Variants in HPSE2 observed in about 807,000 individuals in gnomAD.
The protein encoded by HPSE2 is heparanase 2 (inactive).
Under a neutral mutation model 60.5 loss-of-function variants are expected in HPSE2, and 38 were observed. The ratio of observed to expected loss-of-function variants is 0.63; its 90% CI spans 0.48 to 0.82. The LOEUF (loss-of-function observed/expected upper bound fraction) is 0.82. Among genes scored for constraint, HPSE2 ranks in the 40% least tolerant of loss-of-function variants. The pLI, the probability that HPSE2 is intolerant of heterozygous loss-of-function variation, is 0.00. For missense variants in HPSE2, 713 were observed against 740.4 expected (o/e 0.96, Z 0.43); for synonymous variants, 295 against 293.2 (o/e 1.01, Z -0.06).
intron 9 of HPSE2, among the ~76,000 whole-genome samples, chr10:98,530,059 C>T (rs1212752088): frequency 6.6e-6 from 1 of 152,216 alleles, no homozygotes; most frequent in East Asian, 1.9e-4. Context: ...TTACCAACTG[C>T]CAGGACCTCA....
intron 6 of HPSE2, among the ~76,000 whole-genome samples, chr10:98,664,178 T>C (rs1318368072): frequency 6.6e-6 from 1 of 152,128 alleles, no homozygotes; most frequent in African/African-American, 2.4e-5. Flanking sequence ...AAAACTTGCT[T>C]GGGCTTTCAG....
intron 8 of HPSE2, among the ~76,000 whole-genome samples, chr10:98,615,995 C>T (rs1398301780): frequency 1.3e-5 from 2 of 152,196 alleles, no homozygotes; most frequent in African/African-American, 4.8e-5. Flanking sequence ...CATGAAACTA[C>T]TCTTGGCTAC....
chr10:98,568,908 G>T (rs1944419932), intron 9 of HPSE2, among the ~76,000 whole-genome samples: 1 of 36,792 alleles, frequency 2.7e-5, no homozygotes, highest in African/African-American at 4.7e-5. Context: ...TAACGGGTTT[G>T]GGGTTTTTTT....
rs370086702 is a variant in HPSE2, at chr10:98,571,681, T to G, written c.1320+43223A>C. 8.1e-4 allele frequency among the ~76,000 whole-genome samples: 124 copies of G among 152,310 alleles called. 2 individuals are homozygous for G. In the South Asian group the frequency reaches 0.024, roughly 30 times the overall value. On this transcript the variant is annotated intron_variant, in intron 9 of 11. Transcript: ENST00000370552. ...CAAAATTACAACATTCATGGACTAC[T>G]GATGTATTTCATGAGATTAAGAAAT... is the stretch of plus-strand genomic sequence containing the variant.
the HPSE2 span, among the ~76,000 whole-genome samples, chr10:99,258,140 CA>C: frequency 4.6e-4 from 61 of 132,488 alleles, no homozygotes; most frequent in East Asian, 6.4e-4. Flanking sequence ...GACTGCATCT[CA>C]AAAAAAAAAA....
chr10:99,163,723 T>C (rs536284378), intron 2 of HPSE2, among the ~76,000 whole-genome samples: 51 of 152,112 alleles, frequency 3.4e-4, no homozygotes, highest in Non-Finnish European at 5.1e-4. Flanking sequence ...CATGTCTCCT[T>C]AGTCTTCTCT....
At chr10:98,968,379 G>T (rs1955867016) in intron 3 of HPSE2, among the ~76,000 whole-genome samples, 1 of 152,116 alleles carries the variant, frequency 6.6e-6, no homozygotes, top group South Asian at 2.1e-4. Context: ...GTGGTGAAAA[G>T]GGAACATTTT....
chr10:98,486,539 G>A (rs1262909457), intron 10 of HPSE2, among the ~76,000 whole-genome samples: 1 of 152,022 alleles, frequency 6.6e-6, no homozygotes, highest in Non-Finnish European at 1.5e-5. Flanking sequence ...GGGAGGAGGC[G>A]GAAGTGAGTC....
chr10:98,976,081 C>T (rs1013671845), intron 3 of HPSE2, among the ~76,000 whole-genome samples: 1 of 152,110 alleles, frequency 6.6e-6, no homozygotes, highest in Non-Finnish European at 1.5e-5. Context: ...CCAGTTCAGG[C>T]CTCCTTTATC....
chr10:98,907,960 T>TTG (rs1372936802), intron 3 of HPSE2, among the ~76,000 whole-genome samples: 1 of 152,192 alleles, frequency 6.6e-6, no homozygotes, highest in Non-Finnish European at 1.5e-5. Flanking sequence ...TCAGTCTATT[T>TTG]TGTGAATAAA....
intron 3 of HPSE2, among the ~76,000 whole-genome samples, chr10:98,993,298 C>T (rs1956569101): frequency 6.6e-6 from 1 of 152,196 alleles, no homozygotes; most frequent in Admixed American, 6.5e-5. Context: ...ACAACATAAA[C>T]ATACAATTTC....
At position 98,641,908 on chromosome 10, in the gene HPSE2, A is replaced by C; in HGVS notation, c.1037T>G (p.Met346Arg). The C allele has an allele frequency of 3.1e-6, 5 of 1,613,984 alleles. No individual in the cohort carries two copies. Among genetic ancestry groups the C allele is most frequent in the Non-Finnish European group, 4.2e-6 (5 of 1,179,936 alleles). Residue 346 changes from methionine (M) to arginine (R), a missense_variant, in exon 7 of 12, where the codon ATG becomes AGG. By Grantham distance (91) the Met-to-Arg change is moderately conservative. Transcript: ENST00000370552. ...CYIDGRVVKV[M>R]DFLKTRLLDT... ...TAACAGGCGAGTTTTCAGGAAGTCC[A>C]TCACCTTGACCACCCGGCCATCAAT...
At chr10:98,781,054 C>A (rs1342300216) in intron 3 of HPSE2, among the ~76,000 whole-genome samples, 4 of 151,996 alleles carry the variant, frequency 2.6e-5, no homozygotes, top group African/African-American at 9.7e-5. Flanking sequence ...GTGGCGGCAT[C>A]ACGATATGTA....
chr10:98,742,283 C>T (rs1158433086), intron 4 of HPSE2, among the ~76,000 whole-genome samples: 1 of 152,124 alleles, frequency 6.6e-6, no homozygotes, highest in Non-Finnish European at 1.5e-5. Context: ...CTGAGGGCTA[C>T]GTTCCAGTTA....
intron 5 of HPSE2, among the ~76,000 whole-genome samples, chr10:98,706,642 AT>A (rs1272822664): frequency 6.6e-6 from 1 of 152,196 alleles, no homozygotes; most frequent in Non-Finnish European, 1.5e-5. Context: ...TGAATATGAG[AT>A]TGAAAGAAGG....
intron 9 of HPSE2, among the ~76,000 whole-genome samples, chr10:98,575,739 A>T (rs556210981): frequency 6.6e-6 from 1 of 152,318 alleles, no homozygotes; most frequent in Non-Finnish European, 1.5e-5. Flanking sequence ...CAATGTTATT[A>T]TCATGCCATG....
At chr10:99,066,303 A>G (rs1842615316) in intron 3 of HPSE2, among the ~76,000 whole-genome samples, 1 of 152,238 alleles carries the variant, frequency 6.6e-6, no homozygotes, top group Non-Finnish European at 1.5e-5. Context: ...AAATGGCTCT[A>G]TTAGAAAAGG....
intron 3 of HPSE2, among the ~76,000 whole-genome samples, chr10:98,978,499 A>G (rs1192376037): frequency 2.0e-5 from 3 of 152,166 alleles, no homozygotes; most frequent in Non-Finnish European, 4.4e-5. Context: ...AAACCCTAGC[A>G]ATCCAGTACT....
At chr10:99,048,686 C>A (rs891808930) in intron 3 of HPSE2, among the ~76,000 whole-genome samples, 1 of 152,140 alleles carries the variant, frequency 6.6e-6, no homozygotes, top group Non-Finnish European at 1.5e-5. Context: ...TCTCAAATAA[C>A]TTAAAACAGA....
Sources: allele counts gnomAD v4.1 joint callset (sites outside exome capture counted in the v4.1 genomes callset), GRCh38; gene constraint gnomAD v4.1.1; transcripts MANE v1.5; gene names NCBI Gene and HGNC (gene_info 2026-07-23, HGNC 2026-07-21).